Variants in HECW2 observed in about 807,000 individuals in gnomAD.
HECW2 encodes the protein HECT, C2 and WW domain containing E3 ubiquitin protein ligase 2.
A neutral mutation model predicts 175.2 loss-of-function variants in HECW2; 61 were observed. The observed-to-expected ratio is 0.35, with a 90% CI of 0.28 to 0.43. The LOEUF (loss-of-function observed/expected upper bound fraction) is 0.43. Ranked by LOEUF, HECW2 falls within the 20% of genes least tolerant of loss-of-function variation. The pLI, the probability that HECW2 is intolerant of heterozygous loss-of-function variation, is 1.00. For missense variants in HECW2, 1,524 were observed against 2,000.5 expected (o/e 0.76, Z 4.54); for synonymous variants, 671 against 731.0 (o/e 0.92, Z 1.32).
chr2:196,348,950 A>AG (rs753457163), intron 2 of HECW2, among the ~76,000 whole-genome samples: 27 of 152,180 alleles, frequency 1.8e-4, no homozygotes, highest in Non-Finnish European at 3.2e-4. Flanking sequence ...GGCATCCAAG[A>AG]GGACATTAGG....
At chr2:196,448,512 T>TG (rs1303913654) in intron 1 of HECW2, among the ~76,000 whole-genome samples, 1 of 152,172 alleles carries the variant, frequency 6.6e-6, no homozygotes, top group Non-Finnish European at 1.5e-5. Flanking sequence ...CCACAAAATT[T>TG]GGGGAGAAAG....
At chr2:196,387,129 C>A (rs1032793206) in intron 2 of HECW2, among the ~76,000 whole-genome samples, 1 of 152,140 alleles carries the variant, frequency 6.6e-6, no homozygotes, top group African/African-American at 2.4e-5. Context: ...TACCTTCTTT[C>A]ATAAGCTCAG....
chr2:196,381,092 C>T (rs1432303659), intron 2 of HECW2, among the ~76,000 whole-genome samples: 5 of 152,212 alleles, frequency 3.3e-5, no homozygotes, highest in South Asian at 4.1e-4. Context: ...ACCTAAGCCC[C>T]GTAGGAAAAC....
intron 18 of HECW2, among the ~76,000 whole-genome samples, chr2:196,255,764 A>C (rs1455382476): frequency 1.3e-5 from 2 of 152,208 alleles, no homozygotes; most frequent in African/African-American, 4.8e-5. Context: ...AAATCATTCC[A>C]ATTCCAAAGT....
In HECW2 at chr2:196,591,793, C is replaced by G. The variant is rs542682870; in HGVS notation, c.-36+1715G>C. Among the ~76,000 whole-genome samples the G allele has an allele frequency of 1.1e-3, 162 of 152,344 alleles. 5 individuals carry two copies. The South Asian group carries it at 0.032, about 30-fold the overall frequency. The stretch of plus-strand genomic sequence containing the variant: ...ATCTTCTGATGACCAAACAGATTAG[C>G]AAACTCCAGATTTTCACGCCATTAA... On this transcript the variant is annotated intron_variant, in intron 1 of 28. Transcript: ENST00000644978.
At position 196,430,226 on chromosome 2, in the gene HECW2, C is replaced by A. The variant is rs1235902987; in HGVS notation, c.292+2906G>T. 2.6e-5 allele frequency among the ~76,000 whole-genome samples: 4 copies of A among 152,202 alleles called. No homozygotes were observed. In the East Asian group the frequency reaches 5.8e-4, roughly 22 times the overall value. On this transcript the variant is annotated intron_variant, in intron 2 of 28. Transcript: ENST00000644978. The stretch of plus-strand genomic sequence containing the variant: ...AGAAATAGTAGAAAAATACACTGGC[C>A]TTTCCACAGATCCAGTCTAACAAAG...
At chr2:196,529,703 T>G (rs1484681840) in intron 1 of HECW2, among the ~76,000 whole-genome samples, 2 of 152,188 alleles carry the variant, frequency 1.3e-5, no homozygotes, top group African/African-American at 4.8e-5. Flanking sequence ...ACCATGCCAG[T>G]GAACAAGTCT....
At chr2:196,246,991 G>A (rs552110356) in intron 19 of HECW2, among the ~76,000 whole-genome samples, 3 of 152,194 alleles carry the variant, frequency 2.0e-5, no homozygotes, top group South Asian at 4.1e-4. Flanking sequence ...GGCTGGGTAC[G>A]GTGGCTCACG....
intron 4 of HECW2, among the ~76,000 whole-genome samples, chr2:196,330,697 G>A (rs1337995610): frequency 6.6e-6 from 1 of 152,002 alleles, no homozygotes; most frequent in African/African-American, 2.4e-5. Flanking sequence ...GATCACTCTG[G>A]CCCCGCCATC....
chr2:196,214,171 A>G (rs115945616), intron 28 of HECW2, among the ~76,000 whole-genome samples: 2,828 of 152,310 alleles, frequency 0.019, 87 homozygotes, highest in African/African-American at 0.065. Flanking sequence ...ATGAGGAAAC[A>G]GAGGCTCAGA....
At chr2:196,259,183 A>C (rs1689183210) in intron 17 of HECW2, among the ~76,000 whole-genome samples, 2 of 152,200 alleles carry the variant, frequency 1.3e-5, no homozygotes, top group Admixed American at 1.3e-4. Flanking sequence ...CATGTTCGCC[A>C]TGCTGGTCTC....
chr2:196,553,180 CA>C (rs1187445275), intron 1 of HECW2, among the ~76,000 whole-genome samples: 1 of 152,214 alleles, frequency 6.6e-6, no homozygotes, highest in Non-Finnish European at 1.5e-5. Context: ...ATTTCACATG[CA>C]ATTGCTCTTC....
chr2:196,315,668 G>A (rs1559033964), intron 10 of HECW2: 1 of 152,152 alleles, frequency 6.6e-6, no homozygotes, highest in Non-Finnish European at 1.5e-5. Context: ...TTCCCAAGAT[G>A]TATCTACGGG....
intron 1 of HECW2, among the ~76,000 whole-genome samples, chr2:196,541,595 A>C (rs904592376): frequency 1.3e-5 from 2 of 152,180 alleles, no homozygotes; most frequent in Non-Finnish European, 2.9e-5. Flanking sequence ...AAATTAGCAG[A>C]TGCAGACTCA....
intron 13 of HECW2, among the ~76,000 whole-genome samples, chr2:196,299,405 A>C (rs754939776): frequency 4.6e-5 from 7 of 152,032 alleles, no homozygotes; most frequent in Non-Finnish European, 7.4e-5. Context: ...AGTCCAGGAG[A>C]GTTATAGTTG....
chr2:196,324,886 T>C, intron 6 of HECW2, 94 bp downstream of exon 6: 8 of 1,082,420 alleles, frequency 7.4e-6, no homozygotes, highest in South Asian at 1.7e-5. Context: ...AGACACTTCA[T>C]AAACAACCTG....
intron 1 of HECW2, among the ~76,000 whole-genome samples, chr2:196,436,727 C>T (rs977391785): frequency 2.0e-5 from 3 of 148,460 alleles, no homozygotes; most frequent in Non-Finnish European, 4.4e-5. Context: ...GCAGTGTATG[C>T]TAAATAGTAA....
At chr2:196,374,834 T>TA (rs770227570) in intron 2 of HECW2, among the ~76,000 whole-genome samples, 3,453 of 113,282 alleles carry the variant, frequency 0.03, 134 homozygotes, top group African/African-American at 0.1. Flanking sequence ...AAGGGAAGAG[T>TA]AAAAAAAAAA....
intron 2 of HECW2, among the ~76,000 whole-genome samples, chr2:196,350,257 C>A (rs572546333): frequency 6.6e-6 from 1 of 152,058 alleles, no homozygotes; most frequent in East Asian, 1.9e-4. Flanking sequence ...CCCAGCTATA[C>A]GGGAGGCTGA....
Sources: allele counts gnomAD v4.1 joint callset (sites outside exome capture counted in the v4.1 genomes callset), GRCh38; gene constraint gnomAD v4.1.1; transcripts MANE v1.5; gene names NCBI Gene and HGNC (gene_info 2026-07-23, HGNC 2026-07-21).